The following PXDN variants were observed in gnomAD, a reference collection of about 807,000 sequenced individuals.
PXDN encodes the protein peroxidasin homolog.
In PXDN, 77 loss-of-function variants were observed where a neutral mutation model predicts 140.3. The ratio of observed to expected loss-of-function variants is 0.55; its 90% CI spans 0.46 to 0.66. The LOEUF (loss-of-function observed/expected upper bound fraction) is 0.66. Ranked by LOEUF, PXDN falls within the 30% of genes least tolerant of loss-of-function variation. The pLI, the probability that PXDN is intolerant of heterozygous loss-of-function variation, is 0.00. For synonymous variants in PXDN, 911 were observed against 857.4 expected (o/e 1.06, Z -1.09); for missense variants, 1,838 against 2,039.5 (o/e 0.90, Z 1.90).
At position 1,665,910 on chromosome 2, in the gene PXDN, C is replaced by T. The variant is rs115382991; in HGVS notation, c.1291+304G>A. On this transcript the variant is annotated intron_variant, in intron 10 of 22. Transcript: ENST00000252804. Reference sequence around the variant, plus strand: ...CTGCACATGTGCATGCATGTGTGCACACCCACACACACACACTCTCTCTCT... The same window carrying T: ...CTGCACATGTGCATGCATGTGTGCATACCCACACACACACACTCTCTCTCT... Among the ~76,000 whole-genome samples, 690 of 152,290 alleles carry T rather than the reference C, an allele frequency of 4.5e-3. 3 individuals are homozygous for T. Among genetic ancestry groups the T allele is most frequent in the African/African-American group, 0.015 (634 of 41,532 alleles).
rs528416552 is a variant in PXDN at position 1,685,259 on chromosome 2, G to A, written c.417-1108C>T. 2.0e-5 allele frequency among the ~76,000 whole-genome samples: 3 copies of A among 152,372 alleles called. No individual in the cohort carries two copies. Among genetic ancestry groups the A allele is most frequent in the Admixed American group, 1.3e-4 (2 of 15,310 alleles). ...GCCCCTTGCCCCGGGACAGGTCTGT[G>A]CTCAGCACTCCGCGCACGAATGGGA... On this transcript the variant is annotated intron_variant, in intron 4 of 22. Coordinates refer to ENST00000252804, the MANE Select transcript of PXDN (RefSeq NM_012293.3). This position sits in a 1 kb window ranked among gnomAD's most constrained non-coding sequence, Gnocchi z 5.1.
chr2:1,696,937 C>A (rs1437333984), intron 1 of PXDN, among the ~76,000 whole-genome samples: 1 of 152,146 alleles, frequency 6.6e-6, no homozygotes, highest in South Asian at 2.1e-4. Flanking sequence ...CAAATATGAA[C>A]CCCAACTTCA....
rs558497482 is a variant in PXDN, at chr2:1,663,741, C to T, written c.1431G>A (p.Arg477=). 54 of 1,613,232 alleles carry T rather than the reference C, an allele frequency of 3.3e-5. No individual in the cohort carries two copies. Among genetic ancestry groups the T allele is most frequent in the Non-Finnish European group, 4.6e-5 (54 of 1,179,864 alleles). ...TKGGSQLSVD[R]RHLVLSSGTL... Reference sequence around the variant, plus strand: ...TTCCCGATGACAGGACCAGGTGCCGCCGGTCCACGGAGAGCTGGCTCCCTG... The same window carrying T: ...TTCCCGATGACAGGACCAGGTGCCGTCGGTCCACGGAGAGCTGGCTCCCTG... The change falls in exon 12 of 23, where the codon CGG becomes CGA. Residue 477 remains arginine (R), a synonymous_variant. Coordinates refer to ENST00000252804, the MANE Select transcript of PXDN (RefSeq NM_012293.3).
chr2:1,740,592 C>T (rs1383140784), intron 1 of PXDN, among the ~76,000 whole-genome samples: 2 of 152,094 alleles, frequency 1.3e-5, no homozygotes, highest in Non-Finnish European at 2.9e-5. Context: ...TCAGTCCAGA[C>T]CACCAAGAGT....
intron 1 of PXDN, among the ~76,000 whole-genome samples, chr2:1,715,921 G>T (rs907097801): frequency 6.6e-6 from 1 of 152,210 alleles, no homozygotes; most frequent in African/African-American, 2.4e-5. Flanking sequence ...CAATGTGTGC[G>T]TATGACACAG....
chr2:1,692,273 G>A (rs1179359448), intron 2 of PXDN, among the ~76,000 whole-genome samples: 2 of 152,226 alleles, frequency 1.3e-5, no homozygotes, highest in African/African-American at 4.8e-5. Context: ...TCCTATAGAA[G>A]GGAGTTTGTA....
chr2:1,653,393 C>T (rs1409281635), intron 16 of PXDN: 3 of 604,386 alleles, frequency 5.0e-6, no homozygotes. Context: ...CTGCTGTAGC[C>T]TGATCAGCAC....
chr2:1,723,115 C>T (rs960844291), intron 1 of PXDN, among the ~76,000 whole-genome samples: 7 of 151,534 alleles, frequency 4.6e-5, no homozygotes, highest in African/African-American at 1.7e-4. Flanking sequence ...GATGAATGGA[C>T]AGATGGACTA....
chr2:1,734,877 A>G (rs986883258), intron 1 of PXDN, among the ~76,000 whole-genome samples: 1 of 152,202 alleles, frequency 6.6e-6, no homozygotes, highest in Non-Finnish European at 1.5e-5. Context: ...CAATAAATAA[A>G]TAAATAAAAA....
At chr2:1,658,865 AATACGCAG>A (rs1279939024) in intron 14 of PXDN, among the ~76,000 whole-genome samples, 48 of 148,258 alleles carry the variant, frequency 3.2e-4, no homozygotes, top group Non-Finnish European at 1.6e-4. Context: ...CTCAGAATTC[AATACGCAG>A]GCGAGTGCTG....
intron 15 of PXDN, 124 bp downstream of exon 15, chr2:1,654,276 T>C (rs1020837614): frequency 9.2e-6 from 6 of 649,676 alleles, no homozygotes; most frequent in Non-Finnish European, 1.0e-5. Context: ...AAATTAAACA[T>C]TTTGATCATC....
intron 1 of PXDN, among the ~76,000 whole-genome samples, chr2:1,719,412 C>T (rs538695971): frequency 6.6e-6 from 1 of 152,228 alleles, no homozygotes; most frequent in Non-Finnish European, 1.5e-5. Flanking sequence ...ATAAACCACA[C>T]AAAGCCTGTG....
intron 1 of PXDN, among the ~76,000 whole-genome samples, chr2:1,733,203 A>C (rs1685350184): frequency 6.6e-6 from 1 of 152,178 alleles, no homozygotes; most frequent in African/African-American, 2.4e-5. Context: ...AATTTGAAGA[A>C]ATCTGTAAAC....
At position 1,648,778 on chromosome 2, in the gene PXDN, T is replaced by C. The variant is rs1430353176; in HGVS notation, c.3002A>G (p.Glu1001Gly). ...WFREHNRIAT[E>G]LLKLNPHWDG... is the part of the protein sequence containing the mutation. The stretch of plus-strand genomic sequence containing the variant: ...CCAGTGCGGGTTCAGCTTGAGCAGC[T>C]CCGTGGCAATGCGGTTGTGCTCGCG... The change falls in exon 17 of 23, where the codon GAG becomes GGG. Residue 1001 changes from glutamate to glycine, a missense_variant. Coordinates refer to ENST00000252804, the MANE Select transcript of PXDN (RefSeq NM_012293.3). This position sits in a 1 kb window ranked among gnomAD's most constrained non-coding sequence, Gnocchi z 8.9. 1 of 1,604,306 alleles carries C rather than the reference T, an allele frequency of 6.2e-7. No individual in the cohort carries two copies. The highest frequency in any genetic ancestry group is 2.3e-5 in the East Asian group (1 of 44,370).
Position 1,673,916 on chromosome 2 carries a change from T to G in PXDN, c.849-104A>C. Reference sequence around the variant, plus strand: ...CCAGCCCTGCAGCAGGCACAACTTGTGCGAGGAACAGCTCACCTTCCAGGG... The same window carrying G: ...CCAGCCCTGCAGCAGGCACAACTTGGGCGAGGAACAGCTCACCTTCCAGGG... On this transcript the variant is annotated intron_variant, in intron 8 of 22. Coordinates refer to ENST00000252804, the MANE Select transcript of PXDN (RefSeq NM_012293.3). The G allele has an allele frequency of 4.7e-6, 6 of 1,279,280 alleles. No individual in the cohort carries two copies. In the South Asian group the frequency reaches 5.4e-5, roughly 12 times the overall value. 79.2% of individuals were successfully genotyped at this position (1,279,280 alleles called of 1,614,324 possible).
In PXDN at chr2:1,634,131, C is replaced by T. The variant is rs995528462; in HGVS notation, c.*73G>A. ...TCTGGGTGTTTCCTGGTCTGCAGTC[C>T]GCAGCTCCCTGCCATCGGCCACCCG... On this transcript the variant is annotated 3_prime_UTR_variant, in exon 23 of 23. Coordinates refer to ENST00000252804, the MANE Select transcript of PXDN (RefSeq NM_012293.3). The T allele has an allele frequency of 3.6e-5, 56 of 1,535,878 alleles. 1 individual carries two copies. Among genetic ancestry groups the T allele is most frequent in the South Asian group, 2.5e-4 (21 of 82,636 alleles).
intron 1 of PXDN, among the ~76,000 whole-genome samples, chr2:1,731,942 G>A (rs540287768): frequency 6.6e-6 from 1 of 152,284 alleles, no homozygotes; most frequent in East Asian, 1.9e-4. Flanking sequence ...TTAAATATGA[G>A]CTTGGGAATG....
chr2:1,679,554 GGTGT>G (rs766060050), intron 7 of PXDN, among the ~76,000 whole-genome samples: 3 of 136,904 alleles, frequency 2.2e-5, no homozygotes, highest in East Asian at 2.4e-4. Context: ...GTCTATAAAT[GGTGT>G]GTGTGTAAAT....
chr2:1,659,571 G>A, intron 14 of PXDN, among the ~76,000 whole-genome samples: 1 of 152,078 alleles, frequency 6.6e-6, no homozygotes, highest in Non-Finnish European at 1.5e-5. Context: ...ATTAATGATG[G>A]TATTTTTGGG....
Sources: allele counts gnomAD v4.1 joint callset (sites outside exome capture counted in the v4.1 genomes callset), GRCh38; gene constraint gnomAD v4.1.1; non-coding constraint Gnocchi (gnomAD v3.1); transcripts MANE v1.5; gene names NCBI Gene and HGNC (gene_info 2026-07-23, HGNC 2026-07-21).